The following GLIS3 variants were observed in gnomAD, a reference collection of about 807,000 sequenced individuals.
GLIS3 encodes the protein zinc finger protein GLIS3.
In GLIS3, 53 loss-of-function variants were observed where a neutral mutation model predicts 78.6. That is an observed-to-expected ratio of 0.67 (90% CI 0.54 to 0.85). The LOEUF (loss-of-function observed/expected upper bound fraction) is 0.85. GLIS3 is among the 40% of genes least tolerant of loss of function. The pLI is 0.00. For synonymous variants in GLIS3, 684 were observed against 509.9 expected, an observed-to-expected ratio of 1.34 and a Z score of -4.60; for missense variants, 1,703 against 1,231.1, an observed-to-expected ratio of 1.38 and a Z score of -5.74.
At chr9:3,832,577 G>A (rs1273121888) in intron 9 of GLIS3, among the ~76,000 whole-genome samples, 5 of 152,192 alleles carry the variant, frequency 3.3e-5, no homozygotes, top group African/African-American at 9.7e-5. Context: ...AACCTGGAAT[G>A]TGGAGATGTA....
intron 4 of GLIS3, among the ~76,000 whole-genome samples, chr9:3,987,784 A>ACAAAAC (rs60975551): frequency 1.4e-5 from 1 of 69,546 alleles, no homozygotes; most frequent in Non-Finnish European, 2.9e-5. Context: ...AAAAAAAAAA[A>ACAAAAC]AAAACAAAAC....
At chr9:4,390,285 C>T in the GLIS3 span, among the ~76,000 whole-genome samples, 2 of 152,180 alleles carry the variant, frequency 1.3e-5, no homozygotes, top group Admixed American at 1.3e-4. Flanking sequence ...CAATACTTTG[C>T]ACTATGTGCA....
Position 4,118,278 on chromosome 9 carries a change from G to C in GLIS3, c.1200C>G (p.His400Gln), listed in dbSNP as rs374943049. The C allele has an allele frequency of 1.7e-4, 268 of 1,585,182 alleles. 2 individuals are homozygous for C. In the East Asian group the frequency reaches 3.6e-3, roughly 21 times the overall value. ...TGACCAGGCCTGGCTGCAGGCCGCC[G>C]TGCTCCAGCTGTTGCATGCGCTCGT... ...LEHERMQQLEHGGLQPGLVNH... is the reference protein window; with the variant it reads ...LEHERMQQLEQGGLQPGLVNH... The change falls in exon 4 of 11, where the codon CAC (histidine) becomes CAG (glutamine). Residue 400 changes from histidine (H) to glutamine (Q), a missense_variant. Coordinates refer to ENST00000381971, the MANE Select transcript of GLIS3 (RefSeq NM_001042413.2). This position sits in a 1 kb window ranked among gnomAD's most constrained non-coding sequence, Gnocchi z 4.7.
intron 2 of GLIS3, among the ~76,000 whole-genome samples, chr9:4,264,231 T>C (rs1486267959): frequency 6.6e-6 from 1 of 152,190 alleles, no homozygotes; most frequent in Non-Finnish European, 1.5e-5. Flanking sequence ...CTTCTGTTTC[T>C]TATTGCTGCA....
At chr9:4,478,018 G>A in the GLIS3 span, among the ~76,000 whole-genome samples, 1 of 152,184 alleles carries the variant, frequency 6.6e-6, no homozygotes, top group Non-Finnish European at 1.5e-5. Flanking sequence ...TACCAAGACT[G>A]TAGCTCCTGA....
chr9:3,927,362 C>G (rs543694265), intron 6 of GLIS3, among the ~76,000 whole-genome samples: 26 of 152,298 alleles, frequency 1.7e-4, no homozygotes, highest in Admixed American at 3.9e-4. Context: ...CTAATGTTAC[C>G]TTCCTTCTGG....
At chr9:3,884,588 T>C (rs1821949403) in intron 7 of GLIS3, among the ~76,000 whole-genome samples, 1 of 152,192 alleles carries the variant, frequency 6.6e-6, no homozygotes, top group Non-Finnish European at 1.5e-5. Context: ...CTGGGGATCC[T>C]GTCTCAGCTT....
In GLIS3 at chr9:3,904,408, T is replaced by C. The variant is rs527835448; in HGVS notation, c.1984-5573A>G. 2.0e-5 allele frequency among the ~76,000 whole-genome samples: 3 copies of C among 152,320 alleles called. No individual in the cohort carries two copies. The South Asian group carries it at 6.2e-4, about 32-fold the overall frequency. ...AAGAGTTTTCGGCCTGCCCTACAAA[T>C]TTCTGACTTGTCAGCCCCCATAATC... On this transcript the variant is annotated intron_variant, in intron 6 of 10. Coordinates refer to ENST00000381971, the MANE Select transcript of GLIS3 (RefSeq NM_001042413.2).
At chr9:4,345,423 C>A (rs1200175198) in intron 2 of GLIS3, among the ~76,000 whole-genome samples, 2 of 152,138 alleles carry the variant, frequency 1.3e-5, no homozygotes, top group African/African-American at 4.8e-5. Context: ...TTTTCCATAT[C>A]TGTTTATTGT....
intron 6 of GLIS3, among the ~76,000 whole-genome samples, chr9:3,922,121 T>C (rs543595578): frequency 2.0e-5 from 3 of 152,372 alleles, no homozygotes; most frequent in African/African-American, 7.2e-5. Context: ...ATATGCGCTA[T>C]AGAATTGTTC....
chr9:4,161,931 C>T (rs1026657257), intron 2 of GLIS3, among the ~76,000 whole-genome samples: 4 of 152,000 alleles, frequency 2.6e-5, no homozygotes, highest in Admixed American at 1.3e-4. Flanking sequence ...AGTGATCCAC[C>T]TGCCTCGGCC....
At chr9:4,080,841 C>G (rs1411619308) in intron 4 of GLIS3, among the ~76,000 whole-genome samples, 5 of 152,154 alleles carry the variant, frequency 3.3e-5, no homozygotes, top group African/African-American at 9.7e-5. Context: ...ATACCTGCAG[C>G]CAGGCCTTCC....
chr9:4,360,265 A>C, the GLIS3 span, among the ~76,000 whole-genome samples: 2 of 152,112 alleles, frequency 1.3e-5, no homozygotes, highest in African/African-American at 2.4e-5. Context: ...CATGTTTTCC[A>C]CATGTGAAGA....
chr9:4,212,946 G>T (rs1820501177), intron 2 of GLIS3, among the ~76,000 whole-genome samples: 1 of 152,198 alleles, frequency 6.6e-6, no homozygotes, highest in Non-Finnish European at 1.5e-5. Context: ...GTTTGCTGGA[G>T]ATGAATGGAA....
intron 5 of GLIS3, among the ~76,000 whole-genome samples, chr9:3,933,435 G>A (rs1216459300): frequency 6.6e-6 from 1 of 152,132 alleles, no homozygotes; most frequent in African/African-American, 2.4e-5. Flanking sequence ...ACCTATTTCT[G>A]TTATGACCCT....
At chr9:4,356,083 T>G in the GLIS3 span, among the ~76,000 whole-genome samples, 1 of 152,250 alleles carries the variant, frequency 6.6e-6, no homozygotes, top group Non-Finnish European at 1.5e-5. Context: ...TGAGTGGTCT[T>G]GGCCAAGTCA....
intron 1 of GLIS3, among the ~76,000 whole-genome samples, chr9:4,287,161 A>T (rs1280645349): frequency 1.3e-5 from 2 of 152,162 alleles, no homozygotes; most frequent in Admixed American, 1.3e-4. Flanking sequence ...AGTTATGGGG[A>T]TGGGAAGAGA....
chr9:4,438,886 G>C, the GLIS3 span, among the ~76,000 whole-genome samples: 4 of 152,178 alleles, frequency 2.6e-5, no homozygotes, highest in East Asian at 7.7e-4. Context: ...AAATTACCTA[G>C]TCCTAGGTAT....
chr9:4,411,872 TA>T, the GLIS3 span, among the ~76,000 whole-genome samples: 1 of 152,232 alleles, frequency 6.6e-6, no homozygotes, highest in Non-Finnish European at 1.5e-5. Flanking sequence ...AAAATAATTT[TA>T]AAAACACTTT....
Sources: gnomAD v4.1 joint callset for allele counts (sites outside exome capture counted in the v4.1 genomes callset) on GRCh38, gnomAD v4.1.1 for gene constraint, Gnocchi (gnomAD v3.1) non-coding constraint, MANE v1.5 for transcripts, NCBI Gene and HGNC (gene_info 2026-07-23, HGNC 2026-07-21) for gene names.